Variants in CTSH observed in about 807,000 individuals in gnomAD.
CTSH encodes the protein pro-cathepsin H.
In CTSH, 52 loss-of-function variants were observed where a neutral mutation model predicts 56.3. The ratio of observed to expected loss-of-function variants is 0.92; its 90% CI spans 0.74 to 1.16. The LOEUF (loss-of-function observed/expected upper bound fraction) is 1.16. CTSH is among the 50% of genes most tolerant of loss of function. The pLI, the probability that CTSH is intolerant of heterozygous loss-of-function variation, is 0.00. For synonymous variants in CTSH, 174 were observed against 155.7 expected, an observed-to-expected ratio of 1.12 and a Z score of -0.88; for missense variants, 406 against 424.5, an observed-to-expected ratio of 0.96 and a Z score of 0.38.
In CTSH at chr15:78,929,492, C is replaced by T; in HGVS notation, c.550G>A (p.Gly184Ser). ...QDFNNHGCQG[G>S]LPSQAFEYIL... ...TACTCGAAAGCCTGGCTGGGGAGAC[C>T]CCTGCAAGAAGTACACACAGGTGAG... The change falls in exon 8 of 12, where the codon GGT (glycine) becomes AGT (serine). Residue 184 changes from glycine to serine, a missense_variant and splice_region_variant. Transcript: ENST00000220166. 1 of 1,608,656 alleles carries T rather than the reference C, an allele frequency of 6.2e-7. No individual in the cohort carries two copies.
At chr15:78,923,461 G>T (rs2054822822) in intron 10 of CTSH, among the ~76,000 whole-genome samples, 1 of 152,174 alleles carries the variant, frequency 6.6e-6, no homozygotes, top group African/African-American at 2.4e-5. Context: ...GCTAATTTTT[G>T]TATTTTGGGT....
chr15:78,943,449 C>T (rs1174818166), intron 1 of CTSH, among the ~76,000 whole-genome samples: 6 of 152,114 alleles, frequency 3.9e-5, no homozygotes, highest in East Asian at 1.9e-4. Context: ...AGGCTGCTCT[C>T]GAACTCCTGA....
Position 78,925,444 on chromosome 15 carries a change from TG to T in CTSH, c.700-5del. Reference sequence around the variant, plus strand: ...CCACCATCGCTTCCTCGTCATACTGTGGAAACAGGACCGAGACAGAAACACA... The same window carrying T: ...CCACCATCGCTTCCTCGTCATACTGTGAAACAGGACCGAGACAGAAACACA... On this transcript the variant is annotated splice_polypyrimidine_tract_variant and splice_region_variant and intron_variant, in intron 9 of 11. Coordinates refer to ENST00000220166, the MANE Select transcript of CTSH (RefSeq NM_004390.5). 6.2e-7 allele frequency: 1 copy of T among 1,600,550 alleles called. No individual in the cohort carries two copies. Among genetic ancestry groups the T allele is most frequent in the Non-Finnish European group, 8.6e-7 (1 of 1,167,812 alleles).
At chr15:78,925,191 A>G in intron 10 of CTSH, 143 bp downstream of exon 10, 1 of 595,298 alleles carries the variant, frequency 1.7e-6, no homozygotes, top group Non-Finnish European at 3.1e-6. Flanking sequence ...GGGATGTGCA[A>G]AACGCCCAGC....
Position 78,921,898 on chromosome 15 carries a change from TAAG to T in CTSH, c.*229_*231del, listed in dbSNP as rs968945074. ...CGTGGTCCATGTGGTTTGAGTCTGT[TAAG>T]AAGGACACTAAGGCACATGGCTGGT... On this transcript the variant is annotated 3_prime_UTR_variant, in exon 12 of 12. Transcript: ENST00000220166. 2.0e-5 allele frequency: 11 copies of T among 563,260 alleles called. No individual in the cohort carries two copies. Among genetic ancestry groups the T allele is most frequent in the Middle Eastern group, 9.3e-4 (2 of 2,156 alleles). The allele number at this position is 563,260 out of a possible 1,614,324, so 34.9% of individuals were successfully genotyped here. A position where few individuals can be genotyped will look rare whatever the true frequency, so the allele number is the denominator to read the frequency against.
At chr15:78,922,955 C>T in intron 11 of CTSH, 38 bp downstream of exon 11, 1 of 1,587,028 alleles carries the variant, frequency 6.3e-7, no homozygotes, top group South Asian at 1.2e-5. Context: ...GCCTGAGCAA[C>T]ATCCCCCTCC....
At chr15:78,931,400 C>T (rs369885048) in intron 7 of CTSH, 51 bp downstream of exon 7, 35 of 1,609,682 alleles carry the variant, frequency 2.2e-5, no homozygotes, top group Middle Eastern at 1.6e-4. Context: ...CCTGTCGAAG[C>T]GGTCAGTGGG....
At chr15:78,929,591 G>A (rs916928576) in intron 7 of CTSH, 98 bp from the exon 8 acceptor site, 9 of 775,756 alleles carry the variant, frequency 1.2e-5, no homozygotes, top group Admixed American at 2.9e-5. Context: ...CTGGCAGGCT[G>A]GGGACTTGGT....
chr15:78,928,564 CAAAAAAAAAAAAAA>C (rs869261525), intron 8 of CTSH, among the ~76,000 whole-genome samples: 2 of 65,882 alleles, frequency 3.0e-5, no homozygotes, highest in East Asian at 4.6e-4. Flanking sequence ...GACTCCGTCT[CAAAAAAAAAAAAAA>C]AAAAAAAAAA....
intron 8 of CTSH, 28 bp from the exon 9 acceptor site, chr15:78,927,809 A>T: frequency 6.2e-7 from 1 of 1,604,436 alleles, no homozygotes; most frequent in Middle Eastern, 1.7e-4. Context: ...GGCATGAAAT[A>T]CAGGTTATGG....
intron 1 of CTSH, among the ~76,000 whole-genome samples, chr15:78,940,148 A>C (rs2055258092): frequency 6.6e-6 from 1 of 150,542 alleles, no homozygotes. Flanking sequence ...TAATAAAACA[A>C]ACAAGACAAA....
intron 5 of CTSH, among the ~76,000 whole-genome samples, chr15:78,933,988 T>C (rs1021262435): frequency 6.6e-6 from 1 of 152,198 alleles, no homozygotes; most frequent in Non-Finnish European, 1.5e-5. Flanking sequence ...GGGCCTCTCT[T>C]TCCCACCTGT....
chr15:78,927,770 G>T lies in CTSH; in HGVS notation c.642C>A (p.Cys214Ter). The change falls in exon 9 of 12, where the codon TGC (cysteine) becomes TGA (stop). Residue 214 changes from cysteine (C) to a stop codon, truncating the protein, a stop_gained. Transcript: ENST00000220166. LOFTEE classifies it high-confidence loss of function. ...CGATGGCCTTTCCAGGTTGGAACTT[G>T]CAATAACCATCCTGTTGAGGATGCA... is the stretch of plus-strand genomic sequence containing the variant. ...TYPYQGKDGYCKFQPGKAIGF... is the reference protein window; with the variant it reads ...TYPYQGKDGY The T allele has an allele frequency of 6.2e-7, 1 of 1,614,100 alleles. No individual in the cohort carries two copies.
At chr15:78,932,891 G>T (rs1053506455) in intron 5 of CTSH, among the ~76,000 whole-genome samples, 1 of 152,184 alleles carries the variant, frequency 6.6e-6, no homozygotes, top group Non-Finnish European at 1.5e-5. Flanking sequence ...GTTCCCTGCA[G>T]AAGGATGCCC....
rs1463046157 is a variant in CTSH at position 78,921,526 on chromosome 15, T to G, written c.*604A>C. On this transcript the variant is annotated 3_prime_UTR_variant, in exon 12 of 12. Coordinates refer to ENST00000220166, the MANE Select transcript of CTSH (RefSeq NM_004390.5). The stretch of plus-strand genomic sequence containing the variant: ...ACATTGTGGGTTTGAATCCTGCCTC[T>G]GCCGCAGCTTGGCCCGTTTTTCTCC... 1 of 152,768 alleles carries G rather than the reference T, an allele frequency of 6.5e-6. No homozygotes were observed. The highest frequency in any genetic ancestry group is 2.4e-5 in the African/African-American group (1 of 41,454). 9.5% of individuals were successfully genotyped at this position (152,768 alleles called of 1,614,324 possible).
chr15:78,942,905 C>G (rs775936125), intron 1 of CTSH, among the ~76,000 whole-genome samples: 1 of 152,158 alleles, frequency 6.6e-6, no homozygotes, highest in Non-Finnish European at 1.5e-5. Flanking sequence ...GAACCTGTTC[C>G]AGAGACCAAT....
chr15:78,928,635 T>G (rs2054975338), intron 8 of CTSH, among the ~76,000 whole-genome samples: 1 of 150,864 alleles, frequency 6.6e-6, no homozygotes, highest in South Asian at 2.1e-4. Context: ...GAGTCTGGGC[T>G]TTCTCCCGAA....
chr15:78,929,638 G>A, intron 7 of CTSH, 145 bp from the exon 8 acceptor site: 1 of 577,558 alleles, frequency 1.7e-6, no homozygotes, highest in Non-Finnish European at 3.1e-6. Flanking sequence ...TCTCTGAGAG[G>A]CCCAGCCTTG....
At chr15:78,934,589 G>A (rs1352983348) in intron 5 of CTSH, among the ~76,000 whole-genome samples, 1 of 152,244 alleles carries the variant, frequency 6.6e-6, no homozygotes, top group African/African-American at 2.4e-5. Context: ...GGCCAGCCAG[G>A]GCAGGGGCTG....
Sources: gnomAD v4.1 joint callset for allele counts (sites outside exome capture counted in the v4.1 genomes callset) on GRCh38, gnomAD v4.1.1 for gene constraint, MANE v1.5 for transcripts, NCBI Gene and HGNC (gene_info 2026-07-23, HGNC 2026-07-21) for gene names.